The following ATF7 variants were observed in gnomAD, a reference collection of about 807,000 sequenced individuals.
ATF7 encodes the protein cyclic AMP-dependent transcription factor ATF-7.
ATF7 carries 10 observed loss-of-function variants against 50.4 expected under a neutral mutation model. That is an observed-to-expected ratio of 0.20 (90% CI 0.12 to 0.34). The LOEUF (loss-of-function observed/expected upper bound fraction) is 0.34, where lower values mean the gene tolerates loss of function less well. ATF7 is among the 10% of genes least tolerant of loss of function. The pLI is 1.00. For synonymous variants in ATF7, 201 were observed against 226.4 expected, an observed-to-expected ratio of 0.89 and a Z score of 1.01; for missense variants, 465 against 613.9, an observed-to-expected ratio of 0.76 and a Z score of 2.56.
chr12:53,546,865 C>T (rs1374892506), intron 3 of ATF7, among the ~76,000 whole-genome samples: 2 of 152,072 alleles, frequency 1.3e-5, no homozygotes, highest in East Asian at 3.8e-4. Context: ...TCAAGTGATC[C>T]TCCCACCTCA....
Position 53,553,015 on chromosome 12 carries a change from T to C in ATF7, c.49-378A>G, listed in dbSNP as rs541679432. 9.8e-5 allele frequency among the ~76,000 whole-genome samples: 15 copies of C among 152,286 alleles called. 1 individual carries two copies. In the East Asian group the frequency reaches 2.3e-3, roughly 24 times the overall value. Reference sequence around the variant, plus strand: ...AGAGAAGGGAAGGGCTGGGCACTAGTTGGCCATCACAAAAATAGGAAATTG... The same window carrying C: ...AGAGAAGGGAAGGGCTGGGCACTAGCTGGCCATCACAAAAATAGGAAATTG... On this transcript the variant is annotated intron_variant, in intron 2 of 11. Transcript: ENST00000420353.
At chr12:53,565,838 G>C (rs1259463237) in intron 2 of ATF7, among the ~76,000 whole-genome samples, 1 of 151,962 alleles carries the variant, frequency 6.6e-6, no homozygotes, top group African/African-American at 2.4e-5. Flanking sequence ...TTTCAATAAG[G>C]CTATTGTATC....
chr12:53,595,578 G>T (rs905186613), intron 2 of ATF7, among the ~76,000 whole-genome samples: 5 of 152,300 alleles, frequency 3.3e-5, no homozygotes, highest in Admixed American at 3.3e-4. Flanking sequence ...GCTATTTGTT[G>T]CCTCATATAT....
chr12:53,614,955 C>T lies in ATF7; in HGVS notation c.-22+11324G>A, dbSNP rs140872110. Reference sequence around the variant, plus strand: ...ATTAGCCAGGCATGGTGGCAGATGCCTATAATCTCAGCTACTCAGGAAGCT... The same window carrying T: ...ATTAGCCAGGCATGGTGGCAGATGCTTATAATCTCAGCTACTCAGGAAGCT... On this transcript the variant is annotated intron_variant, in intron 1 of 11. Transcript: ENST00000420353. Among the ~76,000 whole-genome samples, 1,511 of 152,144 alleles carry T rather than the reference C, an allele frequency of 9.9e-3. 23 individuals are homozygous for T. Among genetic ancestry groups the T allele is most frequent in the African/African-American group, 0.035 (1,442 of 41,500 alleles).
chr12:53,511,707 A>G (rs1944130925), downstream of ATF7, among the ~76,000 whole-genome samples: 1 of 152,176 alleles, frequency 6.6e-6, no homozygotes, highest in Non-Finnish European at 1.5e-5. Flanking sequence ...AAAACACTGA[A>G]AAGTAAAAGG....
chr12:53,606,620 T>C (rs1275853016), intron 1 of ATF7, among the ~76,000 whole-genome samples: 1 of 151,990 alleles, frequency 6.6e-6, no homozygotes, highest in Admixed American at 6.6e-5. Flanking sequence ...ACGTGCAGGT[T>C]TGTTACATAT....
chr12:53,523,263 G>A lies in ATF7; in HGVS notation c.1234+13C>T, dbSNP rs1375163864. On this transcript the variant is annotated intron_variant, in intron 11 of 11. Transcript: ENST00000420353. Reference sequence around the variant, plus strand: ...CTGACTGACTGACTTAGCTTAGGTTGTGTGCCACTCACCTAAATAGCCTTG... The same window carrying A: ...CTGACTGACTGACTTAGCTTAGGTTATGTGCCACTCACCTAAATAGCCTTG... 2 of 1,554,280 alleles carry A rather than the reference G, an allele frequency of 1.3e-6. No individual in the cohort carries two copies. Among genetic ancestry groups the A allele is most frequent in the South Asian group, 2.2e-5 (2 of 89,798 alleles).
intron 2 of ATF7, among the ~76,000 whole-genome samples, chr12:53,569,753 C>A (rs1055919265): frequency 6.6e-6 from 1 of 151,944 alleles, no homozygotes; most frequent in African/African-American, 2.4e-5. Flanking sequence ...CAGCTTACTG[C>A]AACCTACCTC....
chr12:53,517,376 A>G (rs767354336), intron 11 of ATF7, 22 bp from the exon 12 acceptor site: 1 of 1,600,948 alleles, frequency 6.2e-7, no homozygotes, highest in Admixed American at 1.7e-5. Context: ...GAGGGCAAAG[A>G]GCAGAGAGCA....
At chr12:53,587,838 TA>T (rs1490642857) in intron 2 of ATF7, among the ~76,000 whole-genome samples, 62 of 50,168 alleles carry the variant, frequency 1.2e-3, no homozygotes, top group South Asian at 3.5e-3. Flanking sequence ...TATATATATA[TA>T]TATATTTTTT....
chr12:53,531,012 A>G (rs1224863574), intron 9 of ATF7, among the ~76,000 whole-genome samples: 1 of 152,132 alleles, frequency 6.6e-6, no homozygotes, highest in Non-Finnish European at 1.5e-5. Flanking sequence ...TTTATTTAAG[A>G]CTTAATAGAT....
At chr12:53,541,895 C>T (rs949608185) in intron 4 of ATF7, among the ~76,000 whole-genome samples, 5 of 152,090 alleles carry the variant, frequency 3.3e-5, no homozygotes, top group African/African-American at 1.2e-4. Context: ...GATCTCAGCT[C>T]ACTGCAACCT....
intron 2 of ATF7, among the ~76,000 whole-genome samples, chr12:53,588,780 C>A (rs1412200168): frequency 6.6e-6 from 1 of 152,050 alleles, no homozygotes; most frequent in Non-Finnish European, 1.5e-5. Context: ...ATTTTCTTTC[C>A]TCTTTAGAAT....
chr12:53,601,469 C>G (rs1943400764), intron 1 of ATF7, among the ~76,000 whole-genome samples: 1 of 152,182 alleles, frequency 6.6e-6, no homozygotes, highest in Non-Finnish European at 1.5e-5. Flanking sequence ...CATAATCTGG[C>G]TCCCTGGTGT....
intron 4 of ATF7, among the ~76,000 whole-genome samples, chr12:53,539,816 C>G (rs1939433798): frequency 6.6e-6 from 1 of 152,166 alleles, no homozygotes; most frequent in African/African-American, 2.4e-5. Context: ...CGCTTGTTAT[C>G]TCAGCACTTT....
In ATF7 at chr12:53,531,914, A is replaced by AC. The variant is rs1938924537; in HGVS notation, c.775-19_775-18insG. 1 of 1,612,232 alleles carries AC rather than the reference A, an allele frequency of 6.2e-7. No homozygotes were observed. The highest frequency in any genetic ancestry group is 2.2e-5 in the East Asian group (1 of 44,872). On this transcript the variant is annotated intron_variant, in intron 8 of 11. Transcript: ENST00000420353. ...TTCAGTCTCTGTGGGCAAAGATAAG[A>AC]AAAAATGCTTGTTAAGGATCAGATT... is the stretch of plus-strand genomic sequence containing the variant.
intron 2 of ATF7, among the ~76,000 whole-genome samples, chr12:53,592,739 C>T (rs1942998784): frequency 6.6e-6 from 1 of 152,052 alleles, no homozygotes; most frequent in African/African-American, 2.4e-5. Flanking sequence ...TATTATTGTA[C>T]TAAGTACACT....
intron 2 of ATF7, among the ~76,000 whole-genome samples, chr12:53,556,492 G>A (rs1408794479): frequency 2.6e-5 from 4 of 152,104 alleles, no homozygotes; most frequent in Admixed American, 2.0e-4. Context: ...CAAAGTGATC[G>A]CCAGGCCAGG....
intron 11 of ATF7, among the ~76,000 whole-genome samples, chr12:53,521,486 C>T (rs879721463): frequency 6.6e-6 from 1 of 152,204 alleles, no homozygotes; most frequent in Non-Finnish European, 1.5e-5. Context: ...TACCTTGCGA[C>T]TTTGCATCTT....
Sources: allele counts gnomAD v4.1 joint callset (sites outside exome capture counted in the v4.1 genomes callset), GRCh38; gene constraint gnomAD v4.1.1; transcripts MANE v1.5; gene names NCBI Gene and HGNC (gene_info 2026-07-23, HGNC 2026-07-21).